Variants in ADGRG6 observed in about 807,000 individuals in gnomAD.
The protein encoded by ADGRG6 is G-protein coupled receptor 126.
In ADGRG6, 84 loss-of-function variants were observed where a neutral mutation model predicts 142.4. The ratio of observed to expected loss-of-function variants is 0.59; its 90% CI spans 0.49 to 0.71. The LOEUF (loss-of-function observed/expected upper bound fraction) is 0.71. ADGRG6 is among the 30% of genes least tolerant of loss of function. The pLI is 0.00. For missense variants in ADGRG6, 1,367 were observed against 1,466.6 expected, an observed-to-expected ratio of 0.93 and a Z score of 1.11; for synonymous variants, 521 against 520.5, an observed-to-expected ratio of 1.00 and a Z score of -0.01.
intron 2 of ADGRG6, among the ~76,000 whole-genome samples, chr6:142,363,189 G>T (rs1780799386): frequency 6.6e-6 from 1 of 152,092 alleles, no homozygotes; most frequent in South Asian, 2.1e-4. Flanking sequence ...ACAAATCTGT[G>T]TTGAAAGAAG....
intron 2 of ADGRG6, among the ~76,000 whole-genome samples, chr6:142,363,309 G>A (rs1208347460): frequency 6.6e-6 from 1 of 151,878 alleles, no homozygotes; most frequent in Non-Finnish European, 1.5e-5. Flanking sequence ...TGTGGCAAAG[G>A]TAGAGTAAGA....
chr6:142,354,893 G>GCCT (rs1364309557), intron 2 of ADGRG6, among the ~76,000 whole-genome samples: 1 of 152,164 alleles, frequency 6.6e-6, no homozygotes, highest in East Asian at 1.9e-4. Context: ...AATGCCTGAT[G>GCCT]CCTTGTTCAT....
intron 17 of ADGRG6, among the ~76,000 whole-genome samples, 184 bp downstream of exon 17, chr6:142,410,103 T>C (rs1476925502): frequency 6.6e-6 from 1 of 152,088 alleles, no homozygotes; most frequent in East Asian, 1.9e-4. Flanking sequence ...TCTGTAACTT[T>C]TTAGTCATTG....
At chr6:142,305,617 A>G (rs373197176) in intron 1 of ADGRG6, among the ~76,000 whole-genome samples, 11 of 152,238 alleles carry the variant, frequency 7.2e-5, no homozygotes, top group Middle Eastern at 3.4e-3. Flanking sequence ...AGTTCCCCCA[A>G]TGGTAGCATT....
rs866987803 is a variant in ADGRG6, at chr6:142,370,528, C to A, written c.804C>A (p.Phe268Leu). The stretch of plus-strand genomic sequence containing the variant: ...CTTTGGGCTCTATTGGTGTAAATTT[C>A]AAAAGAAACTATGAAACAGTTCCAT... ...NNSLGSIGVNFKRNYETVPCD... is the reference protein window; with the variant it reads ...NNSLGSIGVNLKRNYETVPCD... Residue 268 changes from phenylalanine to leucine, a missense_variant, in exon 4 of 25, where the codon TTC becomes TTA. By Grantham distance (22) the Phe-to-Leu change is conservative. Coordinates refer to ENST00000367609, the MANE Select transcript of ADGRG6 (RefSeq NM_198569.3). The A allele has an allele frequency of 6.2e-7, 1 of 1,613,538 alleles. No individual in the cohort carries two copies. Among genetic ancestry groups the A allele is most frequent in the African/African-American group, 1.3e-5 (1 of 74,918 alleles).
chr6:142,445,425 T>A lies in ADGRG6; in HGVS notation c.*1910T>A, dbSNP rs1777932648. 1 of 152,132 alleles carries A rather than the reference T, an allele frequency of 6.6e-6. No individual in the cohort carries two copies. Among genetic ancestry groups the A allele is most frequent in the South Asian group, 2.1e-4 (1 of 4,820 alleles). The allele number at this position is 152,132 out of a possible 1,614,324, so 9.4% of individuals were successfully genotyped here. On this transcript the variant is annotated 3_prime_UTR_variant, in exon 25 of 25. Transcript: ENST00000367609. Reference sequence around the variant, plus strand: ...TTCATATACATTTCCCCCAAAACCTTAGACATTCATAGTAGATTTTAATTA... The same window carrying A: ...TTCATATACATTTCCCCCAAAACCTAAGACATTCATAGTAGATTTTAATTA...
chr6:142,354,649 A>G (rs77829021), intron 2 of ADGRG6, among the ~76,000 whole-genome samples: 2,432 of 152,328 alleles, frequency 0.016, 64 homozygotes, highest in African/African-American at 0.055. Flanking sequence ...TAGAAAAGAA[A>G]TCTGTAAAAC....
intron 2 of ADGRG6, among the ~76,000 whole-genome samples, chr6:142,313,581 A>G (rs1300619523): frequency 6.6e-6 from 1 of 152,192 alleles, no homozygotes; most frequent in Non-Finnish European, 1.5e-5. Context: ...CTACCAGGGG[A>G]AATGTTTCTG....
intron 2 of ADGRG6, among the ~76,000 whole-genome samples, chr6:142,335,020 G>A (rs958391889): frequency 1.3e-5 from 2 of 152,202 alleles, no homozygotes; most frequent in Non-Finnish European, 2.9e-5. Context: ...TCTAGAAAGA[G>A]TTTATTGTTG....
rs1236183238 is a variant in ADGRG6 at position 142,415,043 on chromosome 6, T to C, written c.2616T>C (p.Cys872=). The C allele has an allele frequency of 1.9e-6, 3 of 1,611,168 alleles. No homozygotes were observed. The stretch of plus-strand genomic sequence containing the variant: ...TCACTTTCATCAGCTATATTGGGTG[T>C]GGAATATCTGCTATTTTTTCAGCAG... The part of the protein sequence containing the change: ...KVLTFISYIG[C]GISAIFSAAT... Residue 872 remains cysteine (C), a synonymous_variant, in exon 19 of 25, where the codon TGT becomes TGC. Transcript: ENST00000367609.
chr6:142,337,534 T>G (rs141612065), intron 2 of ADGRG6, among the ~76,000 whole-genome samples: 6 of 152,162 alleles, frequency 3.9e-5, no homozygotes, highest in Non-Finnish European at 7.4e-5. Context: ...CAAGGCTTGC[T>G]TTACTCTCGG....
chr6:142,328,208 G>A (rs1312235022), intron 2 of ADGRG6, among the ~76,000 whole-genome samples: 1 of 152,034 alleles, frequency 6.6e-6, no homozygotes, highest in Non-Finnish European at 1.5e-5. Context: ...CTTTTGTTTT[G>A]TTTTGTTTTT....
At position 142,443,440 on chromosome 6, in the gene ADGRG6, T is replaced by C. The variant is rs765461403; in HGVS notation, c.3678T>C (p.Tyr1226=). The C allele has an allele frequency of 5.6e-6, 9 of 1,610,640 alleles. No homozygotes were observed. The highest frequency in any genetic ancestry group is 7.6e-6 in the Non-Finnish European group (9 of 1,177,028). ...VHQVIDKVKG[Y]CNAHSDNFYK... Reference sequence around the variant, plus strand: ...AGGTCATTGATAAGGTCAAGGGTTATTGCAATGCTCATTCAGACAACTTCT... The same window carrying C: ...AGGTCATTGATAAGGTCAAGGGTTACTGCAATGCTCATTCAGACAACTTCT... The change falls in exon 25 of 25, where the codon TAT becomes TAC. Residue 1226 remains tyrosine, a synonymous_variant. Coordinates refer to ENST00000367609, the MANE Select transcript of ADGRG6 (RefSeq NM_198569.3).
At chr6:142,334,917 G>T (rs1195092779) in intron 2 of ADGRG6, among the ~76,000 whole-genome samples, 2 of 152,084 alleles carry the variant, frequency 1.3e-5, no homozygotes, top group Non-Finnish European at 1.5e-5. Context: ...CAAAATATAA[G>T]ATTTTTTGAA....
At chr6:142,310,654 C>T (rs1017158219) in intron 2 of ADGRG6, among the ~76,000 whole-genome samples, 1 of 151,714 alleles carries the variant, frequency 6.6e-6, no homozygotes, top group African/African-American at 2.4e-5. Context: ...TCCAAGCCTC[C>T]AAGTGTTTTA....
chr6:142,421,520 G>A (rs923041687), intron 22 of ADGRG6, among the ~76,000 whole-genome samples: 3 of 152,068 alleles, frequency 2.0e-5, no homozygotes, highest in Non-Finnish European at 1.5e-5. Context: ...ACATAAAAGT[G>A]CTTAAATAAA....
intron 20 of ADGRG6, among the ~76,000 whole-genome samples, chr6:142,416,870 T>C (rs180942184): frequency 3.5e-4 from 54 of 152,302 alleles, no homozygotes; most frequent in African/African-American, 1.3e-3. Flanking sequence ...GAGTTTTCTT[T>C]ATATAGAAGG....
intron 2 of ADGRG6, among the ~76,000 whole-genome samples, chr6:142,360,936 G>A (rs1266525871): frequency 6.6e-6 from 1 of 152,220 alleles, no homozygotes; most frequent in African/African-American, 2.4e-5. Context: ...ACAGGCATGA[G>A]CCACTGCGCC....
intron 24 of ADGRG6, among the ~76,000 whole-genome samples, chr6:142,441,477 C>T (rs567695606): frequency 1.1e-4 from 17 of 152,152 alleles, no homozygotes; most frequent in African/African-American, 3.1e-4. Flanking sequence ...TCTTTATTAC[C>T]CATAATGTAA....
Sources: allele counts gnomAD v4.1 joint callset (sites outside exome capture counted in the v4.1 genomes callset), GRCh38; gene constraint gnomAD v4.1.1; transcripts MANE v1.5; gene names NCBI Gene and HGNC (gene_info 2026-07-23, HGNC 2026-07-21).